Variants in PLAAT3 observed in about 807,000 individuals in gnomAD.
PLAAT3 encodes phospholipase A and acyltransferase 3.
Under a neutral mutation model 16.7 loss-of-function variants are expected in PLAAT3, and 21 were observed. The observed-to-expected ratio is 1.26, with a 90% CI of 0.89 to 1.81. PLAAT3 has a LOEUF of 1.81. PLAAT3 is among the 40% of genes most tolerant of loss of function. The probability of loss-of-function intolerance (pLI) is 0.00; values close to 1 mark genes in which losing one functional copy is unlikely to be tolerated. For missense variants in PLAAT3, 219 were observed against 213.7 expected, an observed-to-expected ratio of 1.02 and a Z score of -0.16; for synonymous variants, 76 against 81.7, an observed-to-expected ratio of 0.93 and a Z score of 0.38.
At chr11:63,576,565 GTGAGCA>G (rs2017664491) in intron 4 of PLAAT3, among the ~76,000 whole-genome samples, 2 of 152,264 alleles carry the variant, frequency 1.3e-5, no homozygotes, top group Non-Finnish European at 2.9e-5. Context: ...GGAATTTGCA[GTGAGCA>G]AAGACTGCGC....
chr11:63,578,101 G>A (rs949880764), intron 4 of PLAAT3, among the ~76,000 whole-genome samples: 5 of 152,000 alleles, frequency 3.3e-5, no homozygotes, highest in African/African-American at 1.2e-4. Flanking sequence ...TGGCAACATG[G>A]TGAAACCCCA....
chr11:63,616,393 A>G (rs987217559), upstream of PLAAT3: 2 of 152,072 alleles, frequency 1.3e-5, no homozygotes, highest in Admixed American at 6.6e-5. Context: ...AATGTTCTCC[A>G]GGAAAATAAC....
chr11:63,581,478 G>A (rs1206239637), intron 4 of PLAAT3, among the ~76,000 whole-genome samples: 1 of 152,152 alleles, frequency 6.6e-6, no homozygotes, highest in South Asian at 2.1e-4. Context: ...AGGCTTACTA[G>A]GATTGGGAAA....
chr11:63,589,306 G>GAAC lies in PLAAT3; in HGVS notation c.387+791_387+793dup, dbSNP rs1938070821. 2.7e-5 allele frequency among the ~76,000 whole-genome samples: 4 copies of GAAC among 148,934 alleles called. 1 individual carries two copies. The Admixed American group carries it at 2.7e-4, about 10-fold the overall frequency. On this transcript the variant is annotated intron_variant, in intron 4 of 4. Transcript: ENST00000415826. ...TCTCAAAAAAAATAATAATAAAAGT[G>GAAC]AACAGCCTGATGGATCTTAAGCTAA...
chr11:63,594,772 G>A (rs1321282683), intron 3 of PLAAT3, among the ~76,000 whole-genome samples: 2 of 151,992 alleles, frequency 1.3e-5, no homozygotes, highest in East Asian at 3.9e-4. Flanking sequence ...TTTGATCAAC[G>A]GGATATATTA....
At chr11:63,575,605 C>A (rs1238346624) in intron 4 of PLAAT3, among the ~76,000 whole-genome samples, 1 of 152,120 alleles carries the variant, frequency 6.6e-6, no homozygotes, top group Non-Finnish European at 1.5e-5. Context: ...ATTAGGATAT[C>A]TGACTTGTTT....
At chr11:63,586,823 C>A (rs1269490128) in intron 4 of PLAAT3, among the ~76,000 whole-genome samples, 1 of 152,164 alleles carries the variant, frequency 6.6e-6, no homozygotes, top group African/African-American at 2.4e-5. Flanking sequence ...GTGGCTCACG[C>A]CTGTAATCTT....
At chr11:63,581,506 C>G (rs1379959954) in intron 4 of PLAAT3, among the ~76,000 whole-genome samples, 1 of 152,160 alleles carries the variant, frequency 6.6e-6, no homozygotes, top group African/African-American at 2.4e-5. Context: ...CTGGTAAATT[C>G]TAGTCAGACT....
At chr11:63,607,216 C>T (rs1033043941) in intron 2 of PLAAT3, among the ~76,000 whole-genome samples, 3 of 152,184 alleles carry the variant, frequency 2.0e-5, no homozygotes, top group African/African-American at 7.2e-5. Flanking sequence ...GAACCAGGCA[C>T]TCACGCTGGG....
upstream of PLAAT3, among the ~76,000 whole-genome samples, chr11:63,615,034 A>ATG (rs1555047762): frequency 1.6e-3 from 45 of 28,056 alleles, 3 homozygotes; most frequent in Non-Finnish European, 3.9e-3. Flanking sequence ...ATATGTGTGT[A>ATG]TATATATGTA....
intron 4 of PLAAT3, among the ~76,000 whole-genome samples, chr11:63,581,569 C>A (rs542585547): frequency 2.0e-5 from 3 of 152,184 alleles, no homozygotes; most frequent in African/African-American, 7.2e-5. Flanking sequence ...CAAGACAATG[C>A]GTGCACAGCA....
At chr11:63,611,160 T>C (rs1221176998) in intron 2 of PLAAT3, among the ~76,000 whole-genome samples, 1 of 152,070 alleles carries the variant, frequency 6.6e-6, no homozygotes, top group East Asian at 1.9e-4. Context: ...CAGGCTGGAG[T>C]GCACTGGCGC....
In PLAAT3 at chr11:63,590,277, C is replaced by T. The variant is rs185240523; in HGVS notation, c.210G>A (p.Gly70=). 1.8e-4 allele frequency: 292 copies of T among 1,614,198 alleles called. 1 individual carries two copies. Among genetic ancestry groups the T allele is most frequent in the Admixed American group, 9.3e-4 (56 of 60,026 alleles). Residue 70 remains glycine (G), a synonymous_variant, in exon 4 of 5, where the codon GGG becomes GGA. Transcript: ENST00000415826. ...VKKELLYDVA[G]SDKYQVNNKH... is the part of the protein sequence containing the mutation. ...TGTTGTTGACCTGGTACTTGTCACTCCCGGCCACATCATACAGCAATTCCT... is the reference window on the plus strand; with the variant it reads ...TGTTGTTGACCTGGTACTTGTCACTTCCGGCCACATCATACAGCAATTCCT...
chr11:63,601,996 A>AAC (rs1565254830), intron 2 of PLAAT3, among the ~76,000 whole-genome samples: 2 of 149,814 alleles, frequency 1.3e-5, no homozygotes, highest in South Asian at 2.1e-4. Flanking sequence ...AAAAAAAAAA[A>AAC]ACAAAAGGAG....
At chr11:63,598,865 T>A in intron 2 of PLAAT3, 1 of 407,188 alleles carries the variant, frequency 2.5e-6, no homozygotes, top group Non-Finnish European at 5.0e-6. Context: ...TGAGTGAGTA[T>A]GTGTGTGAGG....
intron 4 of PLAAT3, among the ~76,000 whole-genome samples, chr11:63,579,861 T>A: frequency 7.7e-6 from 1 of 130,500 alleles, no homozygotes; most frequent in African/African-American, 3.0e-5. Context: ...ACCCTAAAAC[T>A]TAAAGTATAA....
intron 2 of PLAAT3, among the ~76,000 whole-genome samples, chr11:63,606,826 G>A (rs1486091747): frequency 1.3e-5 from 2 of 152,178 alleles, no homozygotes; most frequent in African/African-American, 4.8e-5. Flanking sequence ...AAAGCAGCCG[G>A]TCCGGAAGGC....
In PLAAT3 at chr11:63,594,615, G is replaced by A. The variant is rs548815283; in HGVS notation, c.118+3446C>T. Among the ~76,000 whole-genome samples the A allele has an allele frequency of 8.4e-4, 128 of 151,820 alleles. 5 individuals carry two copies. The South Asian group carries it at 0.026, about 31-fold the overall frequency. ...GAGCAAAACTCCATCTCAAAAAAAA[G>A]AAAAAAAGAAAAAGAAAAAAGAAAG... On this transcript the variant is annotated intron_variant, in intron 3 of 4. Coordinates refer to ENST00000415826, the MANE Select transcript of PLAAT3 (RefSeq NM_001128203.2).
chr11:63,600,630 T>C (rs1444581299), intron 2 of PLAAT3, among the ~76,000 whole-genome samples: 1 of 150,926 alleles, frequency 6.6e-6, no homozygotes, highest in Non-Finnish European at 1.5e-5. Context: ...TGAGACAGAC[T>C]CTCGCTCTGT....
Sources: allele counts gnomAD v4.1 joint callset (sites outside exome capture counted in the v4.1 genomes callset), GRCh38; gene constraint gnomAD v4.1.1; transcripts MANE v1.5; gene names NCBI Gene and HGNC (gene_info 2026-07-23, HGNC 2026-07-21).